The following FNDC3A variants were observed in gnomAD, a reference collection of about 807,000 sequenced individuals.
FNDC3A encodes fibronectin type-III domain-containing protein 3A.
A neutral mutation model predicts 148.9 loss-of-function variants in FNDC3A; 32 were observed. The observed-to-expected ratio is 0.21, with a 90% CI of 0.16 to 0.29. FNDC3A has a LOEUF of 0.29. Among genes scored for constraint, FNDC3A ranks in the 10% least tolerant of loss-of-function variants. The pLI is 1.00. For missense variants in FNDC3A, 1,191 were observed against 1,452.8 expected (o/e 0.82, Z 2.93); for synonymous variants, 472 against 473.6 (o/e 1.00, Z 0.04).
chr13:49,003,373 A>G (rs549849991), intron 1 of FNDC3A, among the ~76,000 whole-genome samples: 2 of 152,030 alleles, frequency 1.3e-5, no homozygotes, highest in South Asian at 4.2e-4. Context: ...CCACATTTCT[A>G]CTTTTGTGGA....
At chr13:49,050,771 G>A (rs557303227) in intron 2 of FNDC3A, among the ~76,000 whole-genome samples, 34 of 152,210 alleles carry the variant, frequency 2.2e-4, no homozygotes, top group East Asian at 1.4e-3. Flanking sequence ...CTGTGTTGCC[G>A]TCTATCTCAT....
chr13:49,115,197 AT>A (rs1566259150), intron 4 of FNDC3A, among the ~76,000 whole-genome samples: 2 of 16,534 alleles, frequency 1.2e-4, no homozygotes, highest in Non-Finnish European at 1.6e-4. Context: ...GGGGGGGGAA[AT>A]AAAAAAAAAA....
At chr13:49,056,439 TTTC>T (rs1235794890) in intron 2 of FNDC3A, among the ~76,000 whole-genome samples, 1 of 152,234 alleles carries the variant, frequency 6.6e-6, no homozygotes, top group Non-Finnish European at 1.5e-5. Context: ...TGGATTTTGA[TTTC>T]TTTATTCATC....
chr13:49,023,854 G>A (rs565193798), intron 2 of FNDC3A, among the ~76,000 whole-genome samples: 3 of 152,066 alleles, frequency 2.0e-5, no homozygotes, highest in Admixed American at 6.5e-5. Context: ...GTCAAAAAGT[G>A]TACAGATAGT....
intron 19 of FNDC3A, among the ~76,000 whole-genome samples, chr13:49,195,311 C>G (rs57590763): frequency 4.6e-5 from 7 of 152,008 alleles, no homozygotes; most frequent in Admixed American, 2.0e-4. Context: ...AAAACAGTTA[C>G]GTTCACAATA....
At chr13:48,980,946 C>T (rs567421228) in intron 1 of FNDC3A, among the ~76,000 whole-genome samples, 1 of 152,246 alleles carries the variant, frequency 6.6e-6, no homozygotes, top group Admixed American at 6.5e-5. Context: ...ATGCTTCTTT[C>T]TTCCTGTTAA....
chr13:49,187,330 T>C, intron 16 of FNDC3A, 140 bp downstream of exon 16: 1 of 865,738 alleles, frequency 1.2e-6, no homozygotes, highest in African/African-American at 1.7e-5. Context: ...CACTTCACTT[T>C]GGGTTGTCCT....
chr13:48,998,064 C>G (rs574660624), intron 1 of FNDC3A, among the ~76,000 whole-genome samples: 213 of 152,166 alleles, frequency 1.4e-3, no homozygotes, highest in African/African-American at 5.0e-3. Flanking sequence ...GGTGATAGGC[C>G]ATTCTGATGA....
chr13:49,100,477 G>A (rs1285130826), intron 3 of FNDC3A, among the ~76,000 whole-genome samples: 2 of 151,932 alleles, frequency 1.3e-5, no homozygotes, highest in Non-Finnish European at 2.9e-5. Context: ...CATAGATGTA[G>A]GGATATTTCA....
intron 3 of FNDC3A, among the ~76,000 whole-genome samples, chr13:49,092,503 A>T (rs1593578963): frequency 6.6e-6 from 1 of 152,162 alleles, no homozygotes; most frequent in Admixed American, 6.5e-5. Flanking sequence ...TGCCTTTCCC[A>T]GCCCACTAAC....
intron 14 of FNDC3A, 39 bp downstream of exon 14, chr13:49,178,693 C>T: frequency 3.5e-6 from 4 of 1,136,962 alleles, no homozygotes; most frequent in East Asian, 2.7e-5. Flanking sequence ...GTTCCTTGTT[C>T]CTATTCTTAC....
At chr13:49,153,955 T>C (rs937772573) in intron 8 of FNDC3A, among the ~76,000 whole-genome samples, 32 of 136,840 alleles carry the variant, frequency 2.3e-4, no homozygotes, top group African/African-American at 8.5e-4. Flanking sequence ...GGTAGTGTGA[T>C]ACCTCCAGCT....
chr13:48,993,133 G>A (rs969906752), intron 1 of FNDC3A, among the ~76,000 whole-genome samples: 12 of 152,144 alleles, frequency 7.9e-5, no homozygotes, highest in Admixed American at 3.3e-4. Flanking sequence ...GTTTCTCGTT[G>A]AAGGATAATG....
intron 2 of FNDC3A, among the ~76,000 whole-genome samples, chr13:49,061,176 C>A (rs767175241): frequency 1.3e-5 from 2 of 151,818 alleles, no homozygotes; most frequent in Non-Finnish European, 2.9e-5. Context: ...GTGGCGTGAT[C>A]ATAACTCACT....
At chr13:49,100,020 A>C (rs1233426827) in intron 3 of FNDC3A, among the ~76,000 whole-genome samples, 1 of 152,148 alleles carries the variant, frequency 6.6e-6, no homozygotes. Context: ...ATTTGAAAGA[A>C]GAAATTTTTC....
At chr13:49,203,325 C>T in intron 25 of FNDC3A, 41 bp downstream of exon 25, 2 of 1,474,488 alleles carry the variant, frequency 1.4e-6, no homozygotes, top group Non-Finnish European at 1.9e-6. Context: ...ATATTTTTAC[C>T]CTTTTTTAAT....
At chr13:49,132,232 C>T (rs919062301) in intron 5 of FNDC3A, among the ~76,000 whole-genome samples, 1 of 152,200 alleles carries the variant, frequency 6.6e-6, no homozygotes, top group Non-Finnish European at 1.5e-5. Flanking sequence ...CAACAATGGC[C>T]TTCCAGTTGG....
intron 2 of FNDC3A, among the ~76,000 whole-genome samples, chr13:49,016,451 C>G (rs1021266396): frequency 5.9e-5 from 9 of 152,010 alleles, no homozygotes; most frequent in Admixed American, 3.3e-4. Flanking sequence ...GGTGATATCC[C>G]CTTTATCATT....
Position 49,174,431 on chromosome 13 carries a change from G to T in FNDC3A, c.1231-4G>T, listed in dbSNP as rs757183242. The T allele has an allele frequency of 6.8e-6, 11 of 1,607,812 alleles. No individual in the cohort carries two copies. The East Asian group carries it at 2.5e-4, about 36-fold the overall frequency. ...GGTATATAATAATCAGCCATTTCTTGTAGGGAAAAGGAAATGGAGAATTTT... is the reference window on the plus strand; with the variant it reads ...GGTATATAATAATCAGCCATTTCTTTTAGGGAAAAGGAAATGGAGAATTTT... On this transcript the variant is annotated splice_region_variant and splice_polypyrimidine_tract_variant and intron_variant, in intron 11 of 25. Transcript: ENST00000492622.
Sources: allele counts gnomAD v4.1 joint callset (sites outside exome capture counted in the v4.1 genomes callset), GRCh38; gene constraint gnomAD v4.1.1; transcripts MANE v1.5; gene names NCBI Gene and HGNC (gene_info 2026-07-23, HGNC 2026-07-21).